The following MYO3B variants were observed in gnomAD, a reference collection of about 807,000 sequenced individuals.
The protein encoded by MYO3B is myosin-IIIb.
In MYO3B, 156 loss-of-function variants were observed where a neutral mutation model predicts 174.6. That is an observed-to-expected ratio of 0.89 (90% CI 0.78 to 1.02). The LOEUF is 1.02. MYO3B is among the 50% of genes least tolerant of loss of function. The pLI is 0.00. For missense variants in MYO3B, 1,632 were observed against 1,639.4 expected (o/e 1.00, Z 0.08); for synonymous variants, 563 against 569.1 (o/e 0.99, Z 0.15).
chr2:170,410,438 G>A (rs1424690226), intron 22 of MYO3B, among the ~76,000 whole-genome samples: 3 of 151,900 alleles, frequency 2.0e-5, no homozygotes, highest in East Asian at 1.9e-4. Flanking sequence ...AAAATTAGCC[G>A]GGTGTGGTGG....
chr2:170,354,543 TA>T (rs1419646894), intron 8 of MYO3B, among the ~76,000 whole-genome samples: 5 of 152,186 alleles, frequency 3.3e-5, no homozygotes, highest in African/African-American at 1.2e-4. Context: ...AACAGAAAGA[TA>T]ACCATTCAGA....
intron 28 of MYO3B, among the ~76,000 whole-genome samples, chr2:170,502,425 A>G (rs1687335784): frequency 6.6e-6 from 1 of 152,198 alleles, no homozygotes; most frequent in Non-Finnish European, 1.5e-5. Flanking sequence ...TCCCAAATCC[A>G]GGCTTATATG....
intron 32 of MYO3B, among the ~76,000 whole-genome samples, chr2:170,628,551 G>A (rs569540119): frequency 6.6e-5 from 10 of 152,254 alleles, no homozygotes; most frequent in Middle Eastern, 6.8e-3. Flanking sequence ...TGCACCCACC[G>A]TCCGACAAGC....
At chr2:170,356,686 C>A (rs932662118) in intron 8 of MYO3B, among the ~76,000 whole-genome samples, 1 of 152,004 alleles carries the variant, frequency 6.6e-6, no homozygotes, top group African/African-American at 2.4e-5. Context: ...CTATGAAAAC[C>A]CTGGAAAGCT....
chr2:170,211,220 C>T (rs2105358273), intron 3 of MYO3B, among the ~76,000 whole-genome samples: 1 of 152,246 alleles, frequency 6.6e-6, no homozygotes, highest in South Asian at 2.1e-4. Flanking sequence ...CTGAGAGTGG[C>T]AAGCCAAATG....
intron 7 of MYO3B, among the ~76,000 whole-genome samples, chr2:170,245,795 A>G (rs1038933820): frequency 3.3e-5 from 5 of 152,258 alleles, no homozygotes; most frequent in Admixed American, 2.6e-4. Flanking sequence ...CACCCAGGAC[A>G]GGGTCCTCAG....
chr2:170,445,757 C>CAGA (rs1196120263), intron 23 of MYO3B, among the ~76,000 whole-genome samples: 53 of 152,128 alleles, frequency 3.5e-4, no homozygotes, highest in Non-Finnish European at 6.8e-4. Context: ...CCTCAGCCTC[C>CAGA]AGAATAGCTA....
At chr2:170,251,126 C>T (rs757360669) in intron 7 of MYO3B, among the ~76,000 whole-genome samples, 18 of 152,048 alleles carry the variant, frequency 1.2e-4, no homozygotes, top group Non-Finnish European at 2.6e-4. Context: ...GTCTCCTGTC[C>T]GTGTCAACTG....
intron 16 of MYO3B, among the ~76,000 whole-genome samples, chr2:170,394,101 T>G (rs1173919238): frequency 6.6e-6 from 1 of 152,190 alleles, no homozygotes; most frequent in African/African-American, 2.4e-5. Flanking sequence ...ACAGAGTTAA[T>G]ATTTTGTTTT....
At chr2:170,233,956 G>C (rs1282746670) in intron 6 of MYO3B, among the ~76,000 whole-genome samples, 1 of 151,986 alleles carries the variant, frequency 6.6e-6, no homozygotes, top group African/African-American at 2.4e-5. Context: ...TGGATCACGA[G>C]GTCAGGAGAT....
chr2:170,584,790 G>A (rs1693394912), intron 32 of MYO3B, among the ~76,000 whole-genome samples: 1 of 152,210 alleles, frequency 6.6e-6, no homozygotes, highest in African/African-American at 2.4e-5. Flanking sequence ...AGCCACACAA[G>A]CTGCTAATGA....
At chr2:170,599,961 A>G (rs1359161933) in intron 32 of MYO3B, among the ~76,000 whole-genome samples, 4 of 152,156 alleles carry the variant, frequency 2.6e-5, no homozygotes, top group Admixed American at 6.6e-5. Flanking sequence ...AGAAAAAATT[A>G]TTAAATTCAT....
At chr2:170,358,561 T>A (rs928427631) in intron 8 of MYO3B, among the ~76,000 whole-genome samples, 1 of 152,244 alleles carries the variant, frequency 6.6e-6, no homozygotes, top group African/African-American at 2.4e-5. Context: ...TGTACATTTT[T>A]AATGGATGAA....
intron 9 of MYO3B, among the ~76,000 whole-genome samples, chr2:170,380,936 C>A (rs1414085577): frequency 2.0e-5 from 3 of 152,098 alleles, no homozygotes; most frequent in African/African-American, 7.2e-5. Flanking sequence ...GACAACAAAG[C>A]AAAACTCCAT....
At chr2:170,490,516 A>C (rs1686401203) in intron 25 of MYO3B, among the ~76,000 whole-genome samples, 1 of 150,624 alleles carries the variant, frequency 6.6e-6, no homozygotes. Flanking sequence ...TACGCCCTTC[A>C]AACATGGATG....
intron 8 of MYO3B, among the ~76,000 whole-genome samples, chr2:170,342,723 A>T (rs542307592): frequency 7.2e-5 from 11 of 152,136 alleles, no homozygotes; most frequent in Non-Finnish European, 1.5e-4. Context: ...AATCCTCATG[A>T]TTCTATAAAG....
chr2:170,632,322 A>T (rs1697064883), intron 32 of MYO3B, among the ~76,000 whole-genome samples: 1 of 152,162 alleles, frequency 6.6e-6, no homozygotes, highest in Admixed American at 6.6e-5. Flanking sequence ...GGATTAAGAA[A>T]CTCACTCAAA....
At chr2:170,220,909 G>A (rs964625810) in intron 6 of MYO3B, among the ~76,000 whole-genome samples, 12 of 152,108 alleles carry the variant, frequency 7.9e-5, no homozygotes, top group Admixed American at 7.9e-4. Context: ...GTAGCTCTTG[G>A]GAATCAGGCC....
intron 6 of MYO3B, 52 bp downstream of exon 6, chr2:170,217,447 C>A: frequency 6.8e-7 from 1 of 1,467,448 alleles, no homozygotes; most frequent in Non-Finnish European, 9.6e-7. Context: ...TGCCTTGGTA[C>A]TATGCCTTTT....
Sources: gnomAD v4.1 joint callset for allele counts (sites outside exome capture counted in the v4.1 genomes callset) on GRCh38, gnomAD v4.1.1 for gene constraint, MANE v1.5 for transcripts, NCBI Gene and HGNC (gene_info 2026-07-23, HGNC 2026-07-21) for gene names.